The following GLIS3 variants were observed in gnomAD, a reference collection of about 807,000 sequenced individuals.
GLIS3 encodes GLIS family zinc finger 3, also known as zinc finger protein GLIS3.
A neutral mutation model predicts 78.6 loss-of-function variants in GLIS3; 53 were observed. The observed-to-expected ratio is 0.67, with a 90% CI of 0.54 to 0.85. GLIS3 has a LOEUF of 0.85. Ranked by LOEUF, GLIS3 falls within the 40% of genes least tolerant of loss-of-function variation. GLIS3 has a pLI of 0.00. For synonymous variants in GLIS3, 684 were observed against 509.9 expected (o/e 1.34, Z -4.60); for missense variants, 1,703 against 1,231.1 (o/e 1.38, Z -5.74).
At chr9:4,265,815 A>G (rs1344616574) in intron 2 of GLIS3, among the ~76,000 whole-genome samples, 1 of 152,202 alleles carries the variant, frequency 6.6e-6, no homozygotes, top group African/African-American at 2.4e-5. Flanking sequence ...TGATAAATTT[A>G]AACAAGAACT....
intron 4 of GLIS3, among the ~76,000 whole-genome samples, chr9:3,959,884 GCTCAAGC>G: frequency 6.6e-6 from 1 of 152,346 alleles, no homozygotes; most frequent in East Asian, 1.9e-4. Context: ...GGGAGCCTTG[GCTCAAGC>G]CTGTAATCCC....
At chr9:4,068,186 G>C (rs1489795027) in intron 4 of GLIS3, among the ~76,000 whole-genome samples, 7 of 151,864 alleles carry the variant, frequency 4.6e-5, no homozygotes, top group African/African-American at 9.7e-5. Context: ...AAAAACTTAA[G>C]GCAAATTTTA....
At chr9:4,334,691 T>TCC (rs1200396357) in intron 2 of GLIS3, among the ~76,000 whole-genome samples, 1 of 151,562 alleles carries the variant, frequency 6.6e-6, no homozygotes, top group Non-Finnish European at 1.5e-5. Context: ...CTCCTTATAC[T>TCC]CCCTCAATCC....
intron 4 of GLIS3, among the ~76,000 whole-genome samples, chr9:4,108,448 T>C (rs1040015479): frequency 1.3e-5 from 2 of 152,154 alleles, no homozygotes; most frequent in Non-Finnish European, 2.9e-5. Flanking sequence ...ACAAATGAGA[T>C]GAAAGACAGA....
intron 4 of GLIS3, among the ~76,000 whole-genome samples, chr9:3,975,641 C>T (rs549353313): frequency 6.6e-6 from 1 of 150,968 alleles, no homozygotes; most frequent in East Asian, 2.0e-4. Flanking sequence ...CTAAAATAGA[C>T]TAGAAACCAG....
chr9:4,290,561 T>G (rs1815860315), intron 1 of GLIS3, among the ~76,000 whole-genome samples: 1 of 152,102 alleles, frequency 6.6e-6, no homozygotes, highest in South Asian at 2.1e-4. Flanking sequence ...ATAATATAAG[T>G]TATTCTCATG....
chr9:4,159,708 G>C (rs1564132536), intron 2 of GLIS3, among the ~76,000 whole-genome samples: 1 of 145,816 alleles, frequency 6.9e-6, no homozygotes, highest in East Asian at 2.1e-4. Context: ...GAAGAAGTGA[G>C]ACTCCATTTC....
At chr9:4,434,987 C>G in the GLIS3 span, among the ~76,000 whole-genome samples, 1 of 152,142 alleles carries the variant, frequency 6.6e-6, no homozygotes, top group African/African-American at 2.4e-5. Context: ...CTGTCAGGTA[C>G]CAAATTGTAT....
intron 7 of GLIS3, 41 bp from the exon 8 acceptor site, chr9:3,879,636 G>A (rs1235607518): frequency 1.2e-6 from 2 of 1,609,088 alleles, no homozygotes; most frequent in Non-Finnish European, 1.7e-6. Flanking sequence ...GTGCCCCAAA[G>A]GAAGCCCACG....
At chr9:3,903,339 TAGC>T (rs1156972481) in intron 6 of GLIS3, among the ~76,000 whole-genome samples, 2 of 152,268 alleles carry the variant, frequency 1.3e-5, no homozygotes, top group Admixed American at 6.5e-5. Context: ...TACCTGCTGT[TAGC>T]AGAGAGCAAA....
At chr9:4,437,252 C>A in the GLIS3 span, among the ~76,000 whole-genome samples, 2 of 152,264 alleles carry the variant, frequency 1.3e-5, no homozygotes, top group South Asian at 4.1e-4. Context: ...CCCCCAACTG[C>A]ATGAGGGTCT....
rs537548805 is a variant in GLIS3 at position 4,170,662 on chromosome 9, C to T, written c.389-44721G>A. ...GTAAGCCTCCATCAGAAGGCTTACA[C>T]GAAATGTACGGTGGAACTCCTTTCT... On this transcript the variant is annotated intron_variant, in intron 2 of 10. Coordinates refer to ENST00000381971, the MANE Select transcript of GLIS3 (RefSeq NM_001042413.2). Among the ~76,000 whole-genome samples, 3 of 152,222 alleles carry T rather than the reference C, an allele frequency of 2.0e-5. No homozygotes were observed. In the East Asian group the frequency reaches 5.8e-4, roughly 29 times the overall value.
At chr9:3,988,700 A>T (rs1192557527) in intron 4 of GLIS3, among the ~76,000 whole-genome samples, 1 of 152,158 alleles carries the variant, frequency 6.6e-6, no homozygotes, top group Non-Finnish European at 1.5e-5. Context: ...TCAAGCACGC[A>T]TAGACAAAAA....
chr9:3,987,777 A>AC lies in GLIS3; in HGVS notation c.1711-50589_1711-50588insG, dbSNP rs1195667563. Among the ~76,000 whole-genome samples the AC allele has an allele frequency of 1.1e-4, 16 of 144,768 alleles. 1 individual carries two copies. Among genetic ancestry groups the AC allele is most frequent in the African/African-American group, 3.0e-4 (12 of 39,788 alleles). 95.0% of individuals were successfully genotyped at this position (144,768 alleles called of 152,430 possible). ...TGGATTTGGCAAAAAAAAAAAAAAA[A>AC]AAAAAAAAAAACAAAACACAAACAT... On this transcript the variant is annotated intron_variant, in intron 4 of 10. Transcript: ENST00000381971.
chr9:4,258,310 T>C (rs1825174153), intron 2 of GLIS3, among the ~76,000 whole-genome samples: 2 of 149,476 alleles, frequency 1.3e-5, no homozygotes, highest in African/African-American at 4.9e-5. Context: ...GTCTACAGTT[T>C]TAGTTTACAG....
intron 4 of GLIS3, among the ~76,000 whole-genome samples, chr9:4,076,294 T>C (rs965316837): frequency 1.6e-4 from 25 of 152,168 alleles, no homozygotes; most frequent in African/African-American, 6.0e-4. Context: ...GTAACATAAT[T>C]GCAAAAGAAA....
intron 2 of GLIS3, among the ~76,000 whole-genome samples, chr9:4,252,384 C>T (rs1384662519): frequency 6.6e-6 from 1 of 152,034 alleles, no homozygotes; most frequent in Admixed American, 6.6e-5. Context: ...ATCCTTTCTT[C>T]CGCTTGATCA....
At chr9:4,415,628 A>G in the GLIS3 span, among the ~76,000 whole-genome samples, 2 of 152,206 alleles carry the variant, frequency 1.3e-5, no homozygotes, top group African/African-American at 4.8e-5. Context: ...ATATTTTGTA[A>G]TCTTTCTGCT....
chr9:4,266,239 C>A (rs1244482957), intron 2 of GLIS3, among the ~76,000 whole-genome samples: 1 of 151,866 alleles, frequency 6.6e-6, no homozygotes, highest in Non-Finnish European at 1.5e-5. Flanking sequence ...TGCTTCTTAA[C>A]TTTTTCTGTC....
Sources: gnomAD v4.1 joint callset for allele counts (sites outside exome capture counted in the v4.1 genomes callset) on GRCh38, gnomAD v4.1.1 for gene constraint, MANE v1.5 for transcripts, NCBI Gene and HGNC (gene_info 2026-07-23, HGNC 2026-07-21) for gene names.